DYNC2I1: variants seen among roughly 807,000 people sequenced by gnomAD.
The protein encoded by DYNC2I1 is dynein 2 intermediate chain 1, also known as cytoplasmic dynein 2 intermediate chain 1.
DYNC2I1 carries 89 observed loss-of-function variants against 133.4 expected under a neutral mutation model. The observed-to-expected ratio is 0.67, with a 90% CI of 0.56 to 0.80. DYNC2I1 has a LOEUF of 0.80. Among genes scored for constraint, DYNC2I1 ranks in the 30% least tolerant of loss-of-function variants. The pLI, the probability that DYNC2I1 is intolerant of heterozygous loss-of-function variation, is 0.00. For missense variants in DYNC2I1, 1,291 were observed against 1,314.5 expected, an observed-to-expected ratio of 0.98 and a Z score of 0.28; for synonymous variants, 504 against 484.3, an observed-to-expected ratio of 1.04 and a Z score of -0.54.
chr7:158,895,081 AT>A (rs1438001051), intron 8 of DYNC2I1, among the ~76,000 whole-genome samples: 1 of 151,980 alleles, frequency 6.6e-6, no homozygotes, highest in African/African-American at 2.4e-5. Context: ...TTTTGCAAAT[AT>A]TTTCTCTCAG....
intron 13 of DYNC2I1, 84 bp downstream of exon 13, chr7:158,913,180 A>G: frequency 9.4e-7 from 1 of 1,062,954 alleles, no homozygotes; most frequent in Non-Finnish European, 1.4e-6. Flanking sequence ...TTTCTGGTTC[A>G]CTTTCATTTT....
chr7:158,947,723 C>T (rs961579032), downstream of DYNC2I1, among the ~76,000 whole-genome samples: 7 of 152,230 alleles, frequency 4.6e-5, no homozygotes, highest in Non-Finnish European at 1.0e-4. Context: ...CTCACTCCCC[C>T]CTCTGAAGCC....
At position 158,873,027 on chromosome 7, in the gene DYNC2I1, C is replaced by T. The variant is rs369410224; in HGVS notation, c.490+1465C>T. 1.3e-4 allele frequency among the ~76,000 whole-genome samples: 20 copies of T among 151,872 alleles called. No individual in the cohort carries two copies. In the East Asian group the frequency reaches 3.9e-3, roughly 29 times the overall value. On this transcript the variant is annotated intron_variant, in intron 3 of 24. Coordinates refer to ENST00000407559, the MANE Select transcript of DYNC2I1 (RefSeq NM_018051.5). Reference sequence around the variant, plus strand: ...CCAAAAAACACAACCATATTTTAGACTTATTATCTCAATAAGGCTTATTAT... The same window carrying T: ...CCAAAAAACACAACCATATTTTAGATTTATTATCTCAATAAGGCTTATTAT...
At chr7:158,927,585 G>A (rs1028150734) in intron 20 of DYNC2I1, among the ~76,000 whole-genome samples, 5 of 149,968 alleles carry the variant, frequency 3.3e-5, no homozygotes, top group African/African-American at 7.4e-5. Flanking sequence ...ACAGAGTCCC[G>A]CTCTGTTGCC....
intron 11 of DYNC2I1, among the ~76,000 whole-genome samples, chr7:158,907,645 TGGCACCCA>T (rs1234994845): frequency 6.6e-5 from 10 of 152,098 alleles, no homozygotes; most frequent in Admixed American, 5.9e-4. Context: ...GGTCTCACTC[TGGCACCCA>T]GGCTGGAATG....
chr7:158,952,407 A>AG (rs1852080628), intron 4 of DYNC2I1, among the ~76,000 whole-genome samples: 1 of 152,172 alleles, frequency 6.6e-6, no homozygotes. Flanking sequence ...TCCATGGCTA[A>AG]GGGGGTGCAA....
chr7:158,895,303 G>C (rs1845660601), intron 8 of DYNC2I1, among the ~76,000 whole-genome samples: 2 of 152,186 alleles, frequency 1.3e-5, no homozygotes, highest in South Asian at 4.1e-4. Context: ...TCTGTGATCT[G>C]TTTCGAGTGT....
Position 158,856,682 on chromosome 7 carries a change from A to G in DYNC2I1, c.-54A>G, listed in dbSNP as rs2657385. The G allele has an allele frequency of 0.36, 441,974 of 1,231,196 alleles. 83,137 individuals are homozygous for G. Among genetic ancestry groups the G allele is most frequent in the East Asian group, 0.68 (21,325 of 31,570 alleles). The allele number at this position is 1,231,196 out of a possible 1,614,324, so 76.3% of individuals were successfully genotyped here. A position where few individuals can be genotyped will look rare whatever the true frequency, so the allele number is the denominator to read the frequency against. ...GGCACAGGTGGCCTCTTCGGGGTGG[A>G]CCGCGCCTGGCCGGGGCCGAGGACA... On this transcript the variant is annotated 5_prime_UTR_variant, in exon 1 of 25. Transcript: ENST00000407559.
intron 23 of DYNC2I1, among the ~76,000 whole-genome samples, chr7:158,941,186 T>C (rs974396888): frequency 3.3e-5 from 5 of 152,188 alleles, no homozygotes; most frequent in African/African-American, 1.2e-4. Flanking sequence ...TTAGAGACTA[T>C]TATGAACATC....
intron 15 of DYNC2I1, among the ~76,000 whole-genome samples, chr7:158,921,948 G>A (rs184280778): frequency 6.6e-5 from 10 of 152,228 alleles, no homozygotes; most frequent in South Asian, 2.1e-4. Context: ...GCGCTCAGCC[G>A]CTCGCAGCCT....
At position 158,911,553 on chromosome 7, in the gene DYNC2I1, G is replaced by A; in HGVS notation, c.1464G>A (p.Met488Ile). 1.2e-6 allele frequency: 2 copies of A among 1,612,696 alleles called. No individual in the cohort carries two copies. The highest frequency in any genetic ancestry group is 4.5e-5 in the East Asian group (2 of 44,864). The change falls in exon 12 of 25, where the codon ATG becomes ATA. Residue 488 changes from methionine to isoleucine, a missense_variant. Transcript: ENST00000407559. ...TTGTTTCCAATTTATTTCAAAGGAT[G>A]CGAAGTACAAAACTGCTTCGGCTCA... ...KSRTQALKQK[M>I]RSTKLLRLID...
chr7:158,913,048 A>G lies in DYNC2I1; in HGVS notation c.1654A>G (p.Arg552Gly), dbSNP rs771427947. Residue 552 changes from arginine to glycine, a missense_variant, in exon 13 of 25, where the codon AGG (arginine) becomes GGG (glycine). Physicochemically the swap from Arg to Gly is moderately radical, Grantham distance 125. Transcript: ENST00000407559. The part of the protein sequence containing the change: ...RDIQTEEIET[R>G]EVWTQHPGES... ...CATTCAAACGGAGGAAATAGAGACC[A>G]GGGAAGTGTGGACCCAGCACCCGGG... is the stretch of plus-strand genomic sequence containing the variant. 29 of 1,613,558 alleles carry G rather than the reference A, an allele frequency of 1.8e-5. No homozygotes were observed. The African/African-American group carries it at 3.2e-4, about 18-fold the overall frequency.
chr7:158,869,101 C>G (rs1842658387), intron 1 of DYNC2I1, among the ~76,000 whole-genome samples: 1 of 152,156 alleles, frequency 6.6e-6, no homozygotes, highest in African/African-American at 2.4e-5. Flanking sequence ...ACTTGAGGTT[C>G]AGGAGGTGGT....
chr7:158,850,910 T>C, the DYNC2I1 span, among the ~76,000 whole-genome samples: 2 of 151,982 alleles, frequency 1.3e-5, no homozygotes, highest in East Asian at 3.9e-4. Context: ...TATGAGGAGC[T>C]GCTGGAGTCT....
intron 1 of DYNC2I1, among the ~76,000 whole-genome samples, chr7:158,860,692 A>G (rs1221969681): frequency 1.3e-5 from 2 of 152,212 alleles, no homozygotes; most frequent in East Asian, 3.8e-4. Flanking sequence ...CAAACAATTG[A>G]TAGGTAATGT....
intron 21 of DYNC2I1, among the ~76,000 whole-genome samples, chr7:158,932,139 A>G (rs1308150208): frequency 6.6e-6 from 1 of 152,172 alleles, no homozygotes; most frequent in Non-Finnish European, 1.5e-5. Flanking sequence ...CCAGGAGGAC[A>G]TTGCCTGCAG....
chr7:158,904,980 G>C (rs543098274), intron 10 of DYNC2I1: 2 of 282,784 alleles, frequency 7.1e-6, no homozygotes, highest in Non-Finnish European at 1.4e-5. Context: ...ATGAAAAGAC[G>C]ATAAGATGCA....
chr7:158,881,961 C>T (rs1844077346), intron 5 of DYNC2I1, among the ~76,000 whole-genome samples: 1 of 152,174 alleles, frequency 6.6e-6, no homozygotes, highest in Admixed American at 6.5e-5. Flanking sequence ...CTGGAAGTGA[C>T]TTAGGTTACA....
intron 13 of DYNC2I1, among the ~76,000 whole-genome samples, chr7:158,913,898 T>A (rs979340189): frequency 6.6e-6 from 1 of 152,080 alleles, no homozygotes; most frequent in Admixed American, 6.6e-5. Context: ...TTAGTAGAGA[T>A]GGGGTTTCGC....
Sources: gnomAD v4.1 joint callset for allele counts (sites outside exome capture counted in the v4.1 genomes callset) on GRCh38, gnomAD v4.1.1 for gene constraint, MANE v1.5 for transcripts, NCBI Gene and HGNC (gene_info 2026-07-23, HGNC 2026-07-21) for gene names.